The following SPART variants were observed in gnomAD, a reference collection of about 807,000 sequenced individuals.
SPART encodes spastic paraplegia 20 (Troyer syndrome).
A neutral mutation model predicts 58.7 loss-of-function variants in SPART; 35 were observed. The observed-to-expected ratio is 0.60, with a 90% CI of 0.46 to 0.79. The LOEUF is 0.79. SPART is among the 30% of genes least tolerant of loss of function. SPART has a pLI of 0.00. For missense variants in SPART, 730 were observed against 786.1 expected (o/e 0.93, Z 0.85); for synonymous variants, 284 against 280.7 (o/e 1.01, Z -0.12).
chr13:36,309,350 A>T (rs983585706), intron 8 of SPART, among the ~76,000 whole-genome samples: 4 of 152,068 alleles, frequency 2.6e-5, no homozygotes, highest in African/African-American at 9.7e-5. Flanking sequence ...CACTTTTGGG[A>T]GATATCTCAA....
intron 8 of SPART, among the ~76,000 whole-genome samples, chr13:36,310,682 T>C (rs968821868): frequency 2.0e-5 from 3 of 152,050 alleles, no homozygotes; most frequent in South Asian, 2.1e-4. Flanking sequence ...GAAAATCCAA[T>C]GGTCAACACT....
intron 1 of SPART, among the ~76,000 whole-genome samples, chr13:36,344,072 G>A (rs1232094814): frequency 2.0e-5 from 3 of 150,732 alleles, no homozygotes; most frequent in African/African-American, 7.3e-5. Flanking sequence ...AAAGAAAAAT[G>A]AAAATGAAAA....
At chr13:36,333,963 G>A (rs79760313) in intron 2 of SPART, among the ~76,000 whole-genome samples, 14 of 152,050 alleles carry the variant, frequency 9.2e-5, no homozygotes, top group Admixed American at 6.6e-4. Context: ...AGCAAGCCTC[G>A]AATTGTCTTT....
At chr13:36,341,809 A>T (rs1884613921) in intron 1 of SPART, among the ~76,000 whole-genome samples, 1 of 152,212 alleles carries the variant, frequency 6.6e-6, no homozygotes, top group African/African-American at 2.4e-5. Flanking sequence ...AATTTAGAAA[A>T]TACCATATAC....
chr13:36,352,689 A>G (rs1026049555), intron 1 of SPART, among the ~76,000 whole-genome samples: 3 of 152,056 alleles, frequency 2.0e-5, no homozygotes, highest in African/African-American at 7.2e-5. Context: ...CCTCACACCT[A>G]TAATCCCAAC....
chr13:36,331,086 C>T (rs572918047), intron 3 of SPART, among the ~76,000 whole-genome samples: 118 of 152,274 alleles, frequency 7.7e-4, no homozygotes, highest in African/African-American at 2.6e-3. Context: ...CACCACAGCC[C>T]AATGAAGTGG....
At chr13:36,317,995 C>T (rs1425916682) in intron 5 of SPART, among the ~76,000 whole-genome samples, 1 of 152,162 alleles carries the variant, frequency 6.6e-6, no homozygotes, top group African/African-American at 2.4e-5. Context: ...GTGCCCAGTG[C>T]AACTCGTCCC....
At chr13:36,337,877 C>A (rs1225748464) in intron 1 of SPART, among the ~76,000 whole-genome samples, 2 of 152,064 alleles carry the variant, frequency 1.3e-5, no homozygotes, top group African/African-American at 4.8e-5. Flanking sequence ...AAGTTTTCAA[C>A]TTAACAAGAA....
In SPART at chr13:36,326,667, A is replaced by C; in HGVS notation, c.1196T>G (p.Leu399Arg). ...AKDTSSEEVN[L>R]SHIVPCEPVP... ...TGGCTCACATGGTACAATGTGACTC[A>C]GGTTAACTTCTTCACTTGAAGTATC... The change falls in exon 5 of 9, where the codon CTG becomes CGG. Residue 399 changes from leucine (L) to arginine (R), a missense_variant. By Grantham distance (102) the Leu-to-Arg change is moderately radical (BLOSUM62 -2). Coordinates refer to ENST00000438666, the MANE Select transcript of SPART (RefSeq NM_015087.5). 6.2e-7 allele frequency: 1 copy of C among 1,613,336 alleles called. No homozygotes were observed.
intron 5 of SPART, among the ~76,000 whole-genome samples, chr13:36,319,990 C>T (rs9531804): frequency 0.59 from 88,831 of 151,674 alleles, 27,358 homozygotes; most frequent in Non-Finnish European, 0.69. Context: ...GCACGGTTAG[C>T]GCAGTCAGAA....
At position 36,314,327 on chromosome 13, in the gene SPART, T is replaced by A; in HGVS notation, c.1383A>T (p.Gln461His). The A allele has an allele frequency of 1.2e-6, 2 of 1,614,192 alleles. No individual in the cohort carries two copies. The highest frequency in any genetic ancestry group is 1.7e-6 in the Non-Finnish European group (2 of 1,180,030). Reference protein sequence around the residue: ...KGASKLRERIQPEEKPVEVSP... With the variant: ...KGASKLRERIHPEEKPVEVSP... ...TAACTTCCACGGGTTTTTCTTCTGGTTGAATCCGCTCTCGGAGTTTAGAAG... is the reference window on the plus strand; with the variant it reads ...TAACTTCCACGGGTTTTTCTTCTGGATGAATCCGCTCTCGGAGTTTAGAAG... Residue 461 changes from glutamine to histidine, a missense_variant, in exon 6 of 9, where the codon CAA becomes CAT. Coordinates refer to ENST00000438666, the MANE Select transcript of SPART (RefSeq NM_015087.5).
intron 5 of SPART, among the ~76,000 whole-genome samples, chr13:36,319,420 A>G (rs998791713): frequency 2.0e-5 from 3 of 148,990 alleles, no homozygotes. Flanking sequence ...CCCTTACCCC[A>G]CTCAACGCCA....
intron 4 of SPART, among the ~76,000 whole-genome samples, chr13:36,327,887 G>A (rs1269421951): frequency 6.6e-6 from 1 of 152,062 alleles, no homozygotes; most frequent in Non-Finnish European, 1.5e-5. Context: ...CCAGCTGCTC[G>A]GGAGGTTGAG....
In SPART at chr13:36,331,417, C is replaced by T. The variant is rs369595070; in HGVS notation, c.990G>A (p.Met330Ile). The T allele has an allele frequency of 1.1e-5, 18 of 1,613,968 alleles. No individual in the cohort carries two copies. The East Asian group carries it at 3.1e-4, about 28-fold the overall frequency. The change falls in exon 3 of 9, where the codon ATG becomes ATA. Residue 330 changes from methionine (M) to isoleucine (I), a missense_variant. Physicochemically the swap from Met to Ile is conservative, Grantham distance 10. Coordinates refer to ENST00000438666, the MANE Select transcript of SPART (RefSeq NM_015087.5). ...AAGTTACCTGGAGCCGAAGGTCAGACATTTGCCTTAACAGATCCTCAAAGA... is the reference window on the plus strand; with the variant it reads ...AAGTTACCTGGAGCCGAAGGTCAGATATTTGCCTTAACAGATCCTCAAAGA... ...RELFEDLLRQ[M>I]SDLRLQANWN...
At chr13:36,323,477 T>C (rs1882620686) in intron 5 of SPART, among the ~76,000 whole-genome samples, 1 of 152,210 alleles carries the variant, frequency 6.6e-6, no homozygotes, top group Admixed American at 6.5e-5. Flanking sequence ...TTTTTACCTT[T>C]TACATTAGGA....
intron 1 of SPART, among the ~76,000 whole-genome samples, chr13:36,355,696 A>G (rs1885595547): frequency 6.6e-6 from 1 of 152,188 alleles, no homozygotes; most frequent in African/African-American, 2.4e-5. Flanking sequence ...AACCATCTGA[A>G]TGGACTTTCT....
chr13:36,360,349 A>G (rs1885805801), intron 1 of SPART, among the ~76,000 whole-genome samples: 1 of 152,038 alleles, frequency 6.6e-6, no homozygotes, highest in Non-Finnish European at 1.5e-5. Flanking sequence ...TTCTAGAATG[A>G]TGAATGTTAG....
chr13:36,368,019 C>CA (rs546063627), intron 1 of SPART, among the ~76,000 whole-genome samples: 1 of 151,790 alleles, frequency 6.6e-6, no homozygotes, highest in Non-Finnish European at 1.5e-5. Flanking sequence ...TAAATATAAT[C>CA]AAAAAAAGGA....
At chr13:36,346,990 G>C (rs1885190141), upstream of SPART, among the ~76,000 whole-genome samples, 1 of 152,198 alleles carries the variant, frequency 6.6e-6, no homozygotes, top group African/African-American at 2.4e-5. Flanking sequence ...GTCTTGGTGT[G>C]TGTGTAAAGT....
Sources: allele counts gnomAD v4.1 joint callset (sites outside exome capture counted in the v4.1 genomes callset), GRCh38; gene constraint gnomAD v4.1.1; transcripts MANE v1.5; gene names NCBI Gene and HGNC (gene_info 2026-07-23, HGNC 2026-07-21).